Variants in CFI observed in about 807,000 individuals in gnomAD.
CFI encodes the protein complement factor I, also known as C3B/C4B inactivator.
Under a neutral mutation model 78.8 loss-of-function variants are expected in CFI, and 66 were observed. The ratio of observed to expected loss-of-function variants is 0.84; its 90% CI spans 0.69 to 1.03. The LOEUF is 1.03. CFI is among the 50% of genes least tolerant of loss of function. The probability of loss-of-function intolerance (pLI) is 0.00; values close to 1 mark genes in which losing one functional copy is unlikely to be tolerated. For synonymous variants in CFI, 250 were observed against 232.6 expected, an observed-to-expected ratio of 1.07 and a Z score of -0.68; for missense variants, 706 against 704.5, an observed-to-expected ratio of 1.00 and a Z score of -0.02.
intron 1 of CFI, among the ~76,000 whole-genome samples, chr4:109,794,669 T>A (rs769336560): frequency 6.6e-6 from 1 of 152,130 alleles, no homozygotes; most frequent in Non-Finnish European, 1.5e-5. Flanking sequence ...GGTGGGCACC[T>A]GTAATTCCAG....
At chr4:109,786,274 A>G (rs1325636790) in intron 1 of CFI, among the ~76,000 whole-genome samples, 1 of 151,724 alleles carries the variant, frequency 6.6e-6, no homozygotes, top group Non-Finnish European at 1.5e-5. Context: ...CCATTAATCC[A>G]CTCGCCTCAG....
rs757338918 is a variant in CFI at position 109,746,451 on chromosome 4, T to G, written c.1200A>C (p.Ile400=). The G allele has an allele frequency of 6.2e-7, 1 of 1,613,816 alleles. No homozygotes were observed. Among genetic ancestry groups the G allele is most frequent in the Non-Finnish European group, 8.5e-7 (1 of 1,179,830 alleles). The change falls in exon 11 of 13, where the codon ATA becomes ATC. Residue 400 remains isoleucine (I), a synonymous_variant. Coordinates refer to ENST00000394634, the MANE Select transcript of CFI (RefSeq NM_000204.5). ...TTACTATACGTTTAAGGTCGGGGTGTATCCAGTCTACTACTGTTGTCCATA... is the reference window on the plus strand; with the variant it reads ...TTACTATACGTTTAAGGTCGGGGTGGATCCAGTCTACTACTGTTGTCCATA... The part of the protein sequence containing the change: ...YQIWTTVVDW[I]HPDLKRIVIE...
chr4:109,768,169 T>C (rs1728027772), intron 1 of CFI, among the ~76,000 whole-genome samples: 1 of 148,528 alleles, frequency 6.7e-6, no homozygotes, highest in African/African-American at 2.5e-5. Flanking sequence ...CATTTGGAGA[T>C]ATACCTAATG....
At chr4:109,749,106 A>G (rs1724819819) in intron 10 of CFI, 112 bp downstream of exon 10, 3 of 944,762 alleles carry the variant, frequency 3.2e-6, no homozygotes, top group Admixed American at 3.4e-5. Flanking sequence ...TGCAATTAAT[A>G]TAGTGGAGTT....
intron 1 of CFI, among the ~76,000 whole-genome samples, chr4:109,775,944 C>T (rs1472971400): frequency 6.6e-6 from 1 of 152,150 alleles, no homozygotes; most frequent in Non-Finnish European, 1.5e-5. Context: ...AGAAGGAAAA[C>T]TAACAAACAA....
At chr4:109,749,991 C>T (rs532342671) in intron 8 of CFI, among the ~76,000 whole-genome samples, 1 of 151,918 alleles carries the variant, frequency 6.6e-6, no homozygotes, top group African/African-American at 2.4e-5. Flanking sequence ...TGTGTCTTTT[C>T]TTTTCTTTCT....
intron 1 of CFI, among the ~76,000 whole-genome samples, chr4:109,772,216 G>C (rs980850831): frequency 6.6e-6 from 1 of 152,206 alleles, no homozygotes; most frequent in Non-Finnish European, 1.5e-5. Flanking sequence ...TGTCTAAAAC[G>C]TGATGACAGT....
Position 109,749,608 on chromosome 4 carries a change from A to C in CFI, c.941-6T>G. On this transcript the variant is annotated splice_polypyrimidine_tract_variant and splice_region_variant and intron_variant, in intron 8 of 12. Transcript: ENST00000394634. ...TGATTTTATCCGTCTTCTTTCTTCA[A>C]GAAAGGAAGAGATTACATCATTATT... is the stretch of plus-strand genomic sequence containing the variant. 1 of 1,525,964 alleles carries C rather than the reference A, an allele frequency of 6.6e-7. No individual in the cohort carries two copies. The highest frequency in any genetic ancestry group is 9.1e-7 in the Non-Finnish European group (1 of 1,099,774). The allele number at this position is 1,525,964 out of a possible 1,614,324, so 94.5% of individuals were successfully genotyped here. A position where few individuals can be genotyped will look rare whatever the true frequency, so the allele number is the denominator to read the frequency against.
chr4:109,746,519 A>C lies in CFI; in HGVS notation c.1149-17T>G. On this transcript the variant is annotated splice_polypyrimidine_tract_variant and intron_variant, in intron 10 of 12. Coordinates refer to ENST00000394634, the MANE Select transcript of CFI (RefSeq NM_000204.5). ...TTACTGGCTCTATAACAGAAAAAAAAAGGAAATAAAATATATTGAGAAAAA... is the reference window on the plus strand; with the variant it reads ...TTACTGGCTCTATAACAGAAAAAAACAGGAAATAAAATATATTGAGAAAAA... The C allele has an allele frequency of 6.4e-7, 1 of 1,560,858 alleles. No individual in the cohort carries two copies. The highest frequency in any genetic ancestry group is 8.7e-7 in the Non-Finnish European group (1 of 1,150,984).
chr4:109,757,877 T>C (rs1726524805), intron 6 of CFI, 94 bp from the exon 7 acceptor site: 1 of 1,318,748 alleles, frequency 7.6e-7, no homozygotes, highest in East Asian at 2.5e-5. Context: ...ATGAAAACCA[T>C]TGCACCTTAT....
chr4:109,764,176 TTATATA>T (rs1329356581), intron 3 of CFI, among the ~76,000 whole-genome samples: 14 of 151,512 alleles, frequency 9.2e-5, no homozygotes, highest in African/African-American at 1.9e-4. Context: ...ATAAACTATA[TTATATA>T]ACTATAAACT....
intron 1 of CFI, among the ~76,000 whole-genome samples, chr4:109,800,080 A>G (rs889235809): frequency 9.3e-5 from 14 of 150,972 alleles, no homozygotes; most frequent in African/African-American, 3.4e-4. Context: ...GGATCTGCCT[A>G]CTCTGCCATT....
At chr4:109,748,006 A>G (rs997817409) in intron 10 of CFI, among the ~76,000 whole-genome samples, 1 of 152,186 alleles carries the variant, frequency 6.6e-6, no homozygotes, top group Non-Finnish European at 1.5e-5. Context: ...CTAACAGGCC[A>G]CAGATCAGTA....
At chr4:109,772,581 G>GTT (rs35970339) in intron 1 of CFI, among the ~76,000 whole-genome samples, 144 of 146,432 alleles carry the variant, frequency 9.8e-4, no homozygotes, top group African/African-American at 6.5e-4. Context: ...GAATTTGATC[G>GTT]TTTTTTTTTT....
Position 109,752,984 on chromosome 4 carries a change from A to AT in CFI, c.905-482_905-481insA, listed in dbSNP as rs1725359301. On this transcript the variant is annotated intron_variant, in intron 7 of 12. Transcript: ENST00000394634. ...TTATTATATATTTATTATATGAATA[A>AT]ATATTTATAATATATATTTATTATA... Among the ~76,000 whole-genome samples the AT allele has an allele frequency of 2.7e-5, 3 of 109,148 alleles. 1 individual carries two copies. The highest frequency in any genetic ancestry group is 5.2e-5 in the Non-Finnish European group (3 of 57,726). The allele number at this position is 109,148 out of a possible 152,430, so 71.6% of individuals were successfully genotyped here. A position where few individuals can be genotyped will look rare whatever the true frequency, so the allele number is the denominator to read the frequency against.
intron 7 of CFI, among the ~76,000 whole-genome samples, chr4:109,756,244 G>A (rs182710435): frequency 1.0e-3 from 157 of 151,844 alleles, no homozygotes; most frequent in Non-Finnish European, 1.8e-3. Context: ...TCATGTATAA[G>A]GAGCTGAGGA....
chr4:109,764,495 A>G (rs753010901), intron 3 of CFI, 42 bp downstream of exon 3: 1 of 1,611,022 alleles, frequency 6.2e-7, no homozygotes, highest in South Asian at 1.1e-5. Flanking sequence ...AAACAGAACA[A>G]TTAAATCAGC....
At position 109,742,558 on chromosome 4, in the gene CFI, AACT is replaced by A. The variant is rs1322909923; in HGVS notation, c.1464_1466del (p.Glu488_Val489delinsAsp). The A allele has an allele frequency of 1.2e-6, 2 of 1,613,398 alleles. No individual in the cohort carries two copies. Among genetic ancestry groups the A allele is most frequent in the Admixed American group, 3.3e-5 (2 of 60,002 alleles). On this transcript the variant is annotated inframe_deletion, in exon 12 of 13. Coordinates refer to ENST00000394634, the MANE Select transcript of CFI (RefSeq NM_000204.5). ...ACTTAGAGCAGTTGCTTATTAGTTT[AACT>A]TCACCCCACTGAAGTGAAAAGACTC... is the stretch of plus-strand genomic sequence containing the variant.
intron 1 of CFI, among the ~76,000 whole-genome samples, chr4:109,771,845 A>G (rs187477575): frequency 1.9e-4 from 29 of 152,058 alleles, no homozygotes; most frequent in Admixed American, 1.0e-3. Flanking sequence ...TCATTAGGAT[A>G]AAAGGGATTT....
Sources: gnomAD v4.1 joint callset for allele counts (sites outside exome capture counted in the v4.1 genomes callset) on GRCh38, gnomAD v4.1.1 for gene constraint, MANE v1.5 for transcripts, NCBI Gene and HGNC (gene_info 2026-07-23, HGNC 2026-07-21) for gene names.